The following COL25A1 variants were observed in gnomAD, a reference collection of about 807,000 sequenced individuals.
The protein encoded by COL25A1 is collagen alpha-1(XXV) chain.
In COL25A1, 103 loss-of-function variants were observed where a neutral mutation model predicts 128.4. The observed-to-expected ratio is 0.80, with a 90% CI of 0.68 to 0.94. The LOEUF is 0.94. COL25A1 is among the 40% of genes least tolerant of loss of function. COL25A1 has a pLI of 0.00. For missense variants in COL25A1, 745 were observed against 840.0 expected (o/e 0.89, Z 1.40); for synonymous variants, 279 against 277.2 (o/e 1.01, Z -0.06).
At chr4:109,014,081 C>T (rs1032974525) in intron 5 of COL25A1, among the ~76,000 whole-genome samples, 10 of 152,138 alleles carry the variant, frequency 6.6e-5, no homozygotes, top group Non-Finnish European at 1.2e-4. Flanking sequence ...CCGAGGTGGG[C>T]GGTTCACTTG....
intron 5 of COL25A1, among the ~76,000 whole-genome samples, chr4:109,046,784 T>C (rs1007073224): frequency 6.6e-6 from 1 of 152,226 alleles, no homozygotes; most frequent in African/African-American, 2.4e-5. Context: ...CCCTGGACCA[T>C]GCTGGCCTGT....
intron 3 of COL25A1, among the ~76,000 whole-genome samples, chr4:109,104,401 A>ACTCTCTCT (rs112054758): frequency 0.44 from 65,481 of 149,866 alleles, 16,912 homozygotes; most frequent in Non-Finnish European, 0.61. Context: ...AAAGGAAATC[A>ACTCTCTCT]CTCTCTCTCT....
chr4:108,846,332 G>A, intron 27 of COL25A1, 113 bp from the exon 28 acceptor site: 4 of 717,462 alleles, frequency 5.6e-6, no homozygotes, highest in Middle Eastern at 4.8e-4. Context: ...TCAATGTTGA[G>A]ATGATTCTGA....
At chr4:108,826,819 C>G (rs918085044) in intron 33 of COL25A1, among the ~76,000 whole-genome samples, 3 of 151,838 alleles carry the variant, frequency 2.0e-5, no homozygotes, top group African/African-American at 7.3e-5. Flanking sequence ...TTATGAGTGT[C>G]CAGTCAGATG....
rs191850676 is a variant in COL25A1, at chr4:109,276,368, C to T, written c.367+24215G>A. Among the ~76,000 whole-genome samples the T allele has an allele frequency of 3.6e-3, 542 of 149,646 alleles. 6 individuals carry two copies. Among genetic ancestry groups the T allele is most frequent in the African/African-American group, 0.012 (489 of 40,618 alleles). On this transcript the variant is annotated intron_variant, in intron 3 of 37. Transcript: ENST00000399132. ...CGGAGGTTGCAGTGAGCCGAGATCG[C>T]GCCACTGCACTCCAGCCTGGGAGAC... is the stretch of plus-strand genomic sequence containing the variant.
chr4:108,851,707 A>G (rs1353198248), intron 26 of COL25A1, among the ~76,000 whole-genome samples: 1 of 152,166 alleles, frequency 6.6e-6, no homozygotes, highest in Non-Finnish European at 1.5e-5. Flanking sequence ...TTTAGTTGGT[A>G]TGTTTCATTA....
intron 31 of COL25A1, among the ~76,000 whole-genome samples, chr4:108,834,907 G>T (rs1423938709): frequency 1.3e-5 from 2 of 152,144 alleles, no homozygotes; most frequent in Non-Finnish European, 2.9e-5. Context: ...CACATGTTAG[G>T]ATGACTCTTA....
chr4:109,152,851 G>T (rs1771638463), intron 3 of COL25A1, among the ~76,000 whole-genome samples: 1 of 152,114 alleles, frequency 6.6e-6, no homozygotes, highest in South Asian at 2.1e-4. Flanking sequence ...AATGGTGGTT[G>T]CCAGGGGCAG....
At chr4:108,876,662 ATCCTG>A (rs1739496281) in intron 19 of COL25A1, among the ~76,000 whole-genome samples, 1 of 152,212 alleles carries the variant, frequency 6.6e-6, no homozygotes, top group Non-Finnish European at 1.5e-5. Flanking sequence ...AGTAGCTGGC[ATCCTG>A]TTCTGTTCCC....
intron 13 of COL25A1, among the ~76,000 whole-genome samples, chr4:108,913,512 C>A (rs1420864540): frequency 6.6e-6 from 1 of 151,984 alleles, no homozygotes; most frequent in African/African-American, 2.4e-5. Context: ...CCCACCTCGG[C>A]CTCCCAAACT....
At chr4:108,963,348 T>C (rs1274025008) in intron 8 of COL25A1, among the ~76,000 whole-genome samples, 4 of 152,218 alleles carry the variant, frequency 2.6e-5, no homozygotes. Flanking sequence ...TTAGTGTAAA[T>C]TGTTTATAAA....
chr4:109,242,528 C>T (rs574299557), intron 3 of COL25A1, among the ~76,000 whole-genome samples: 1 of 152,194 alleles, frequency 6.6e-6, no homozygotes, highest in Non-Finnish European at 1.5e-5. Flanking sequence ...CTGGACAAAA[C>T]TTATGGTATA....
chr4:108,837,260 C>G (rs1216204944), intron 31 of COL25A1, among the ~76,000 whole-genome samples: 4 of 152,090 alleles, frequency 2.6e-5, no homozygotes, highest in Non-Finnish European at 4.4e-5. Context: ...TTTCCTCCCA[C>G]ATTTCAAATT....
rs573595901 is a variant in COL25A1, at chr4:109,129,189, G to A, written c.368-79010C>T. On this transcript the variant is annotated intron_variant, in intron 3 of 37. Transcript: ENST00000399132. Reference sequence around the variant, plus strand: ...TTGTTGCCCAGGCTGGAGTGCAATGGTGTGATCTTGGCTCACCGTAACCTC... The same window carrying A: ...TTGTTGCCCAGGCTGGAGTGCAATGATGTGATCTTGGCTCACCGTAACCTC... 2.6e-5 allele frequency among the ~76,000 whole-genome samples: 4 copies of A among 152,082 alleles called. No homozygotes were observed. The South Asian group carries it at 6.2e-4, about 24-fold the overall frequency.
rs57546556 is a variant in COL25A1, at chr4:108,970,307, C to T, written c.492+4060G>A. 5.6e-3 allele frequency among the ~76,000 whole-genome samples: 851 copies of T among 152,272 alleles called. 18 individuals are homozygous for T. In the East Asian group the frequency reaches 0.065, roughly 12 times the overall value. ...CTCAATGGCTCTCTAATGCCTACCA[C>T]GCTAGACATTCAAAATGCTCCATAA... On this transcript the variant is annotated intron_variant, in intron 8 of 37. Transcript: ENST00000399132.
intron 3 of COL25A1, among the ~76,000 whole-genome samples, chr4:109,175,706 T>G (rs1774029945): frequency 6.6e-6 from 1 of 152,230 alleles, no homozygotes; most frequent in Admixed American, 6.5e-5. Flanking sequence ...TCTATTGAAC[T>G]TTTAGCCATT....
intron 5 of COL25A1, among the ~76,000 whole-genome samples, chr4:109,018,236 T>C (rs1362330217): frequency 2.0e-5 from 3 of 152,066 alleles, no homozygotes; most frequent in African/African-American, 7.2e-5. Flanking sequence ...CTTTCTTTTT[T>C]ATTTTGAGAT....
intron 18 of COL25A1, among the ~76,000 whole-genome samples, chr4:108,884,913 CCTT>C (rs1358565405): frequency 6.6e-6 from 1 of 152,106 alleles, no homozygotes; most frequent in African/African-American, 2.4e-5. Flanking sequence ...TCAAGCTTAA[CCTT>C]CTCATTTTCA....
At chr4:109,080,023 T>G (rs1419637149) in intron 3 of COL25A1, among the ~76,000 whole-genome samples, 1 of 152,160 alleles carries the variant, frequency 6.6e-6, no homozygotes, top group Non-Finnish European at 1.5e-5. Flanking sequence ...AATTGGGCTG[T>G]GCCAACTTCT....
Sources: gnomAD v4.1 joint callset for allele counts (sites outside exome capture counted in the v4.1 genomes callset) on GRCh38, gnomAD v4.1.1 for gene constraint, MANE v1.5 for transcripts, NCBI Gene and HGNC (gene_info 2026-07-23, HGNC 2026-07-21) for gene names.